Variants in PPID observed in about 807,000 individuals in gnomAD.
PPID encodes the protein peptidyl-prolyl cis-trans isomerase D.
A neutral mutation model predicts 48.1 loss-of-function variants in PPID; 47 were observed. That is an observed-to-expected ratio of 0.98 (90% CI 0.77 to 1.25). The LOEUF is 1.25. Ranked by LOEUF, PPID falls within the 50% of genes most tolerant of loss-of-function variation. The pLI is 0.00. For synonymous variants in PPID, 163 were observed against 148.8 expected, an observed-to-expected ratio of 1.10 and a Z score of -0.69; for missense variants, 429 against 443.5, an observed-to-expected ratio of 0.97 and a Z score of 0.29.
intron 6 of PPID, among the ~76,000 whole-genome samples, chr4:158,714,616 A>G (rs1254422453): frequency 6.6e-6 from 1 of 150,932 alleles, no homozygotes; most frequent in Non-Finnish European, 1.5e-5. Flanking sequence ...TTTGAGACAG[A>G]ATCTCACTCT....
In PPID at chr4:158,719,520, T is replaced by C. The variant is rs542055430; in HGVS notation, c.227-234A>G. ...CTAACATTCAGAAAATCGGTTCAAA[T>C]GATACCTCCCCTATAAAACTGTCAC... is the stretch of plus-strand genomic sequence containing the variant. On this transcript the variant is annotated intron_variant, in intron 2 of 9. Coordinates refer to ENST00000307720, the MANE Select transcript of PPID (RefSeq NM_005038.3). Among the ~76,000 whole-genome samples, 11 of 152,340 alleles carry C rather than the reference T, an allele frequency of 7.2e-5. 1 individual carries two copies. In the South Asian group the frequency reaches 2.1e-3, roughly 29 times the overall value.
intron 6 of PPID, among the ~76,000 whole-genome samples, 183 bp downstream of exon 6, chr4:158,715,114 G>A (rs1774848665): frequency 6.7e-6 from 1 of 150,344 alleles, no homozygotes; most frequent in South Asian, 2.1e-4. Context: ...TGTACTACTC[G>A]TTCAACTTCT....
chr4:158,715,421 A>T lies in PPID; in HGVS notation c.646-18T>A, dbSNP rs1774855359. 1.3e-6 allele frequency: 2 copies of T among 1,490,668 alleles called. No homozygotes were observed. The highest frequency in any genetic ancestry group is 1.8e-6 in the Non-Finnish European group (2 of 1,111,806). 92.3% of individuals were successfully genotyped at this position (1,490,668 alleles called of 1,614,324 possible). The stretch of plus-strand genomic sequence containing the variant: ...TTATCTACCTGTATAAAAAAATACA[A>T]ATATGTTGGATTTTAGTAAGTAATG... On this transcript the variant is annotated intron_variant, in intron 5 of 9. Coordinates refer to ENST00000307720, the MANE Select transcript of PPID (RefSeq NM_005038.3).
chr4:158,712,299 C>T (rs887869304), intron 7 of PPID, among the ~76,000 whole-genome samples: 1 of 152,204 alleles, frequency 6.6e-6, no homozygotes, highest in African/African-American at 2.4e-5. Flanking sequence ...AACCCATTCT[C>T]CATACACAAG....
At chr4:158,716,425 T>C (rs933109804) in intron 4 of PPID, among the ~76,000 whole-genome samples, 1 of 152,190 alleles carries the variant, frequency 6.6e-6, no homozygotes, top group African/African-American at 2.4e-5. Flanking sequence ...TATGTACTAC[T>C]ATACATACCA....
chr4:158,721,825 C>T (rs1488601729), intron 1 of PPID, among the ~76,000 whole-genome samples: 1 of 152,164 alleles, frequency 6.6e-6, no homozygotes, highest in Non-Finnish European at 1.5e-5. Flanking sequence ...TCTTCCTGTG[C>T]CCAGCTTATT....
intron 9 of PPID, 44 bp from the exon 10 acceptor site, chr4:158,709,868 A>G: frequency 6.8e-7 from 1 of 1,470,738 alleles, no homozygotes; most frequent in Non-Finnish European, 9.4e-7. Flanking sequence ...CAAAATATCC[A>G]AAAAATTATG....
intron 7 of PPID, 116 bp downstream of exon 7, chr4:158,713,003 C>G: frequency 9.2e-7 from 1 of 1,091,562 alleles, no homozygotes; most frequent in Non-Finnish European, 1.3e-6. Context: ...AAAATGTTTT[C>G]TTAAGCCTCA....
intron 1 of PPID, 67 bp downstream of exon 1, chr4:158,723,137 G>A: frequency 6.8e-7 from 1 of 1,475,160 alleles, no homozygotes; most frequent in South Asian, 1.2e-5. Context: ...TCCGCCCTTG[G>A]AATCCCCCAA....
chr4:158,716,681 T>G (rs1230873714), intron 4 of PPID, among the ~76,000 whole-genome samples: 2 of 152,114 alleles, frequency 1.3e-5, no homozygotes, highest in Non-Finnish European at 2.9e-5. Context: ...ACTAACAGGC[T>G]GGGTGCGGTG....
chr4:158,720,133 A>G (rs1451575928), intron 2 of PPID, among the ~76,000 whole-genome samples: 2 of 152,196 alleles, frequency 1.3e-5, no homozygotes, highest in Admixed American at 6.5e-5. Flanking sequence ...CCCAAAAGAG[A>G]GCACACATTC....
At chr4:158,719,901 G>A (rs760458254) in intron 2 of PPID, among the ~76,000 whole-genome samples, 1 of 152,194 alleles carries the variant, frequency 6.6e-6, no homozygotes, top group Admixed American at 6.5e-5. Context: ...GATACACAGC[G>A]AGATGACGGG....
intron 9 of PPID, chr4:158,710,171 AT>A: frequency 3.0e-6 from 1 of 331,362 alleles, no homozygotes; most frequent in Non-Finnish European, 5.5e-6. Context: ...AAACAAGCTT[AT>A]TTTTGTCATA....
At chr4:158,713,304 C>A (rs1435846989) in intron 6 of PPID, 44 bp from the exon 7 acceptor site, 2 of 1,514,918 alleles carry the variant, frequency 1.3e-6, no homozygotes, top group African/African-American at 2.8e-5. Context: ...ACCACATAAA[C>A]AGGAATTACT....
In PPID at chr4:158,723,335, G is replaced by A; in HGVS notation, c.-47C>T. 1 of 1,557,608 alleles carries A rather than the reference G, an allele frequency of 6.4e-7. No homozygotes were observed. The highest frequency in any genetic ancestry group is 8.8e-7 in the Non-Finnish European group (1 of 1,133,718). ...GTACGGAATATCAGAGTACCTAGTG[G>A]CCGCCCGGGCCGCCCAAACTCCAGA... is the stretch of plus-strand genomic sequence containing the variant. On this transcript the variant is annotated 5_prime_UTR_variant, in exon 1 of 10. Transcript: ENST00000307720.
At chr4:158,718,117 T>C (rs746182232) in intron 3 of PPID, among the ~76,000 whole-genome samples, 14 of 152,240 alleles carry the variant, frequency 9.2e-5, no homozygotes, top group Non-Finnish European at 1.6e-4. Flanking sequence ...GTCAATGTGA[T>C]CATCACATCA....
intron 7 of PPID, among the ~76,000 whole-genome samples, chr4:158,711,236 GTTTTTTT>G (rs1442154150): frequency 6.6e-6 from 1 of 151,606 alleles, no homozygotes; most frequent in African/African-American, 2.4e-5. Flanking sequence ...TTTGTTTTTT[GTTTTTTT>G]AAGACAAGGT....
At chr4:158,720,849 G>C (rs999280208) in intron 2 of PPID, among the ~76,000 whole-genome samples, 4 of 151,738 alleles carry the variant, frequency 2.6e-5, no homozygotes, top group Admixed American at 2.0e-4. Flanking sequence ...CGAGTAGCTG[G>C]GACTACAGGC....
chr4:158,722,530 C>G (rs1042941990), intron 1 of PPID, among the ~76,000 whole-genome samples: 9 of 152,212 alleles, frequency 5.9e-5, no homozygotes, highest in African/African-American at 1.9e-4. Context: ...AAACACATTG[C>G]CTGGCCAGCA....
Sources: allele counts gnomAD v4.1 joint callset (sites outside exome capture counted in the v4.1 genomes callset), GRCh38; gene constraint gnomAD v4.1.1; transcripts MANE v1.5; gene names NCBI Gene and HGNC (gene_info 2026-07-23, HGNC 2026-07-21).